MSRA: variants seen among roughly 807,000 people sequenced by gnomAD.
The protein encoded by MSRA is methionine sulfoxide reductase A.
MSRA carries 54 observed loss-of-function variants against 31.3 expected under a neutral mutation model. The ratio of observed to expected loss-of-function variants is 1.73; its 90% CI spans 1.39 to 2.17. The LOEUF (loss-of-function observed/expected upper bound fraction) is 2.17, where lower values mean the gene tolerates loss of function less well. Ranked by LOEUF, MSRA falls within the 30% of genes most tolerant of loss-of-function variation. The probability of loss-of-function intolerance (pLI) is 0.00; values close to 1 mark genes in which losing one functional copy is unlikely to be tolerated. For synonymous variants in MSRA, 169 were observed against 116.5 expected (o/e 1.45, Z -2.90); for missense variants, 507 against 300.9 (o/e 1.69, Z -5.07).
chr8:10,343,474 T>G (rs1366288949), intron 5 of MSRA, among the ~76,000 whole-genome samples: 2 of 152,216 alleles, frequency 1.3e-5, no homozygotes, highest in Non-Finnish European at 2.9e-5. Context: ...TTCTGGCATA[T>G]GGTTTTCTTT....
intron 5 of MSRA, among the ~76,000 whole-genome samples, chr8:10,419,230 C>T (rs549211281): frequency 2.5e-4 from 38 of 152,264 alleles, no homozygotes; most frequent in Admixed American, 2.0e-3. Flanking sequence ...ACAGAACACT[C>T]GGCATCCTGG....
At chr8:10,233,473 A>G (rs1811669918) in intron 2 of MSRA, among the ~76,000 whole-genome samples, 1 of 152,262 alleles carries the variant, frequency 6.6e-6, no homozygotes, top group African/African-American at 2.4e-5. Flanking sequence ...TCAGTGAAGA[A>G]ATAATAAACT....
intron 1 of MSRA, among the ~76,000 whole-genome samples, chr8:10,205,577 G>C (rs1319738910): frequency 6.6e-6 from 1 of 152,130 alleles, no homozygotes; most frequent in Non-Finnish European, 1.5e-5. Flanking sequence ...GACAGACCTT[G>C]ATGGATTGTC....
intron 5 of MSRA, among the ~76,000 whole-genome samples, chr8:10,352,600 C>A (rs1443270503): frequency 1.3e-5 from 2 of 151,974 alleles, no homozygotes; most frequent in Admixed American, 6.6e-5. Flanking sequence ...TAACGCTTTC[C>A]TGAAGTGCCA....
Position 10,428,494 on chromosome 8 carries a change from T to G in MSRA, c.*182T>G. 1 of 629,104 alleles carries G rather than the reference T, an allele frequency of 1.6e-6. No individual in the cohort carries two copies. The allele number at this position is 629,104 out of a possible 1,614,324, so 39.0% of individuals were successfully genotyped here. A position where few individuals can be genotyped will look rare whatever the true frequency, so the allele number is the denominator to read the frequency against. ...CGATGGCAAGTTGATAAAATGTGAC[T>G]TATCTCCTAATAAGTTATGGTGGGA... On this transcript the variant is annotated 3_prime_UTR_variant, in exon 6 of 6. Transcript: ENST00000317173.
chr8:10,236,184 T>C (rs1432037896), intron 2 of MSRA, among the ~76,000 whole-genome samples: 2 of 152,184 alleles, frequency 1.3e-5, no homozygotes, highest in African/African-American at 4.8e-5. Flanking sequence ...ATTGGATCCT[T>C]CCCACTAATA....
intron 5 of MSRA, among the ~76,000 whole-genome samples, chr8:10,343,096 C>T (rs1162927510): frequency 6.6e-6 from 1 of 151,242 alleles, no homozygotes; most frequent in East Asian, 1.9e-4. Flanking sequence ...CCAGCTAATT[C>T]TTAGAGGGAT....
intron 1 of MSRA, among the ~76,000 whole-genome samples, chr8:10,177,555 A>C (rs563684005): frequency 5.9e-5 from 9 of 152,224 alleles, no homozygotes; most frequent in Non-Finnish European, 1.3e-4. Flanking sequence ...CCTGATGGCT[A>C]TAGAAGTCAC....
At chr8:10,395,597 G>C (rs1391092331) in intron 5 of MSRA, among the ~76,000 whole-genome samples, 1 of 152,218 alleles carries the variant, frequency 6.6e-6, no homozygotes, top group Non-Finnish European at 1.5e-5. Flanking sequence ...CAGAAGTCCA[G>C]GCAGCATCAT....
At chr8:10,283,288 T>C (rs892371536) in intron 3 of MSRA, among the ~76,000 whole-genome samples, 6 of 152,148 alleles carry the variant, frequency 3.9e-5, no homozygotes, top group Non-Finnish European at 1.5e-5. Context: ...TTTTGTCATA[T>C]AAAAATTGCA....
In MSRA at chr8:10,095,617, G is replaced by A. The variant is rs538840118; in HGVS notation, c.142+40959G>A. ...GAGCTGAGGAAAGAAAAAAAGGCAA[G>A]ACTTGGCACAGCTCAGTCAAATCAG... is the stretch of plus-strand genomic sequence containing the variant. On this transcript the variant is annotated intron_variant, in intron 1 of 5. Coordinates refer to ENST00000317173, the MANE Select transcript of MSRA (RefSeq NM_012331.5). 5 of 988,650 alleles carry A rather than the reference G, an allele frequency of 5.1e-6. No homozygotes were observed. In the East Asian group the frequency reaches 4.4e-4, roughly 88 times the overall value. The allele number at this position is 988,650 out of a possible 1,614,324, so 61.2% of individuals were successfully genotyped here. A position where few individuals can be genotyped will look rare whatever the true frequency, so the allele number is the denominator to read the frequency against.
At chr8:10,381,465 G>C (rs1235379613) in intron 5 of MSRA, among the ~76,000 whole-genome samples, 1 of 152,154 alleles carries the variant, frequency 6.6e-6, no homozygotes, top group Admixed American at 6.5e-5. Context: ...TGGGAGGAAG[G>C]GACTTATGAG....
At chr8:10,263,421 A>G (rs143736985) in intron 3 of MSRA, among the ~76,000 whole-genome samples, 24 of 152,340 alleles carry the variant, frequency 1.6e-4, no homozygotes, top group African/African-American at 5.8e-4. Flanking sequence ...AAAAGACTAC[A>G]TCATTCCAGG....
chr8:10,242,356 A>G (rs1157994926), intron 2 of MSRA, among the ~76,000 whole-genome samples: 1 of 152,148 alleles, frequency 6.6e-6, no homozygotes, highest in Non-Finnish European at 1.5e-5. Flanking sequence ...TAGATGATAA[A>G]GTGTAAGAAA....
chr8:10,406,785 C>T (rs1256096460), intron 5 of MSRA, among the ~76,000 whole-genome samples: 4 of 152,206 alleles, frequency 2.6e-5, no homozygotes, highest in Non-Finnish European at 4.4e-5. Flanking sequence ...GTTGTTTGGC[C>T]CACTTTCTAG....
chr8:10,284,229 C>T (rs920048440), intron 3 of MSRA, among the ~76,000 whole-genome samples: 1 of 152,010 alleles, frequency 6.6e-6, no homozygotes, highest in African/African-American at 2.4e-5. Flanking sequence ...TACTCTTGTT[C>T]CCGGGATGGA....
chr8:10,279,092 C>A (rs923960753), intron 3 of MSRA, among the ~76,000 whole-genome samples: 1 of 152,120 alleles, frequency 6.6e-6, no homozygotes, highest in Non-Finnish European at 1.5e-5. Flanking sequence ...TGTTTCCTAC[C>A]ATAATTTTTA....
At chr8:10,153,412 C>T (rs549151024) in intron 1 of MSRA, among the ~76,000 whole-genome samples, 1 of 152,248 alleles carries the variant, frequency 6.6e-6, no homozygotes, top group East Asian at 1.9e-4. Flanking sequence ...TTCCTTTTCC[C>T]TGCTGGTCCA....
intron 1 of MSRA, among the ~76,000 whole-genome samples, chr8:10,162,654 C>T (rs1804765249): frequency 6.6e-6 from 1 of 152,158 alleles, no homozygotes; most frequent in African/African-American, 2.4e-5. Flanking sequence ...TATACCATCT[C>T]ATTTAGTGCC....
Sources: allele counts gnomAD v4.1 joint callset (sites outside exome capture counted in the v4.1 genomes callset), GRCh38; gene constraint gnomAD v4.1.1; transcripts MANE v1.5; gene names NCBI Gene and HGNC (gene_info 2026-07-23, HGNC 2026-07-21).